Variants in NR5A1 observed in about 807,000 individuals in gnomAD.
The protein encoded by NR5A1 is nuclear receptor subfamily 5 group A member 1, also known as steroidogenic factor 1.
NR5A1 carries 6 observed loss-of-function variants against 42.7 expected under a neutral mutation model. That is an observed-to-expected ratio of 0.14 (90% confidence interval 0.08 to 0.28). NR5A1 has a LOEUF of 0.28. NR5A1 is among the 10% of genes least tolerant of loss of function. The pLI, the probability that NR5A1 is intolerant of heterozygous loss-of-function variation, is 1.00. For missense variants in NR5A1, 442 were observed against 626.4 expected (o/e 0.71, Z 3.14); for synonymous variants, 274 against 277.5 (o/e 0.99, Z 0.12).
rs145306528 is a variant in NR5A1, at chr9:124,493,781, G to A, written c.871-632C>T. Among the ~76,000 whole-genome samples, 1,415 of 152,320 alleles carry A rather than the reference G, an allele frequency of 9.3e-3. 26 individuals are homozygous for A. The highest frequency in any genetic ancestry group is 0.033 in the African/African-American group (1,354 of 41,582). On this transcript the variant is annotated intron_variant, in intron 4 of 6. Transcript: ENST00000373588. ...ATGGCCTGGCACATGAAGCAGAAAC[G>A]AACAGCAACAAGGGGCTGATTCCGA...
intron 5 of NR5A1, among the ~76,000 whole-genome samples, chr9:124,491,740 C>T (rs1304658314): frequency 1.3e-5 from 2 of 152,186 alleles, no homozygotes; most frequent in African/African-American, 4.8e-5. Flanking sequence ...AAGGCACACA[C>T]GTGTGCACAC....
Position 124,501,038 on chromosome 9 carries a change from G to C in NR5A1, c.245-323C>G. ...AAACTTTTTTTTTTCTCTTGTGCTT[G>C]CTGAACACCCAGCCTCAATGTCACT... On this transcript the variant is annotated intron_variant, in intron 3 of 6. Coordinates refer to ENST00000373588, the MANE Select transcript of NR5A1 (RefSeq NM_004959.5). The surrounding 1 kb of genome is among the most constrained non-coding windows in gnomAD (Gnocchi z 4.1). 1.6e-6 allele frequency: 1 copy of C among 623,452 alleles called. No individual in the cohort carries two copies. Among genetic ancestry groups the C allele is most frequent in the Non-Finnish European group, 3.1e-6 (1 of 325,402 alleles). 38.6% of individuals were successfully genotyped at this position (623,452 alleles called of 1,614,324 possible).
At position 124,482,633 on chromosome 9, in the gene NR5A1, C is replaced by G; in HGVS notation, c.*125G>C. 2 of 1,149,354 alleles carry G rather than the reference C, an allele frequency of 1.7e-6. No individual in the cohort carries two copies. Among genetic ancestry groups the G allele is most frequent in the Non-Finnish European group, 2.5e-6 (2 of 805,092 alleles). The allele number at this position is 1,149,354 out of a possible 1,614,324, so 71.2% of individuals were successfully genotyped here. On this transcript the variant is annotated 3_prime_UTR_variant, in exon 7 of 7. Transcript: ENST00000373588. ...AACTCAGGGGCAGCGGCCTCTGGGA[C>G]GGGGCTGGGGCTCCTCGGTGGGCAT... is the stretch of plus-strand genomic sequence containing the variant.
intron 4 of NR5A1, 107 bp downstream of exon 4, chr9:124,499,983 C>T: frequency 1.9e-6 from 3 of 1,564,930 alleles, no homozygotes; most frequent in African/African-American, 1.4e-5. Context: ...CAGGTACTGC[C>T]TGAAGCCAGT....
chr9:124,485,286 C>T (rs903942618), intron 6 of NR5A1, among the ~76,000 whole-genome samples: 1 of 152,156 alleles, frequency 6.6e-6, no homozygotes, highest in Non-Finnish European at 1.5e-5. Flanking sequence ...GTCATCCACC[C>T]ACTTCTCCTC....
At chr9:124,491,045 CTGT>C in intron 6 of NR5A1, 33 bp downstream of exon 6, 1 of 597,634 alleles carries the variant, frequency 1.7e-6, no homozygotes, top group Non-Finnish European at 2.9e-6. Context: ...CCGCCTCTGG[CTGT>C]CTCCACCTCT....
intron 1 of NR5A1, among the ~76,000 whole-genome samples, chr9:124,504,841 C>T (rs894948567): frequency 6.8e-6 from 1 of 146,188 alleles, no homozygotes; most frequent in African/African-American, 2.5e-5. Context: ...GGGCGCGGGG[C>T]TGGCGGCGCG....
intron 1 of NR5A1, chr9:124,506,949 C>T (rs1259975888): frequency 6.5e-6 from 1 of 152,704 alleles, no homozygotes; most frequent in Non-Finnish European, 1.5e-5. Flanking sequence ...TCCAGACACA[C>T]TCACAGACCT....
At position 124,496,221 on chromosome 9, in the gene NR5A1, T is replaced by A. The variant is rs1670145817; in HGVS notation, c.871-3072A>T. 6.6e-6 allele frequency among the ~76,000 whole-genome samples: 1 copy of A among 151,742 alleles called. No homozygotes were observed. Among genetic ancestry groups the A allele is most frequent in the Non-Finnish European group, 1.5e-5 (1 of 67,924 alleles). ...ACACACACACACAACCTCTTTTTAT[T>A]TAAAAGAAAACCACAGGGCCATAGC... On this transcript the variant is annotated intron_variant, in intron 4 of 6. Coordinates refer to ENST00000373588, the MANE Select transcript of NR5A1 (RefSeq NM_004959.5). This position sits in a 1 kb window ranked among gnomAD's most constrained non-coding sequence, Gnocchi z 5.0.
At chr9:124,484,703 G>A (rs367980990) in intron 6 of NR5A1, among the ~76,000 whole-genome samples, 6 of 152,184 alleles carry the variant, frequency 3.9e-5, no homozygotes, top group African/African-American at 1.2e-4. Flanking sequence ...GCTGTGAGCC[G>A]AGATTGCACC....
In NR5A1 at chr9:124,503,548, G is replaced by C; in HGVS notation, c.-15-138C>G. The C allele has an allele frequency of 1.6e-6, 1 of 629,518 alleles. No individual in the cohort carries two copies. The highest frequency in any genetic ancestry group is 2.5e-6 in the Non-Finnish European group (1 of 400,852). 39.0% of individuals were successfully genotyped at this position (629,518 alleles called of 1,614,324 possible). ...CCAGGCGCTGCCGCCGGCACCCACCGAGCGCCCCGCGCAGCGTCCCGGGGT... is the reference window on the plus strand; with the variant it reads ...CCAGGCGCTGCCGCCGGCACCCACCCAGCGCCCCGCGCAGCGTCCCGGGGT... On this transcript the variant is annotated intron_variant, in intron 1 of 6. Coordinates refer to ENST00000373588, the MANE Select transcript of NR5A1 (RefSeq NM_004959.5). This position sits in a 1 kb window ranked among gnomAD's most constrained non-coding sequence, Gnocchi z 9.6.
chr9:124,502,470 C>G (rs145539478), intron 3 of NR5A1, among the ~76,000 whole-genome samples: 2 of 152,262 alleles, frequency 1.3e-5, no homozygotes, highest in Non-Finnish European at 2.9e-5. Flanking sequence ...GCTAGGACTA[C>G]AGGCACATGT....
At position 124,505,455 on chromosome 9, in the gene NR5A1, G is replaced by C. The variant is rs148790079; in HGVS notation, c.-16+1794C>G. On this transcript the variant is annotated intron_variant, in intron 1 of 6. Transcript: ENST00000373588. Reference sequence around the variant, plus strand: ...CCTGTAGCAGCTCTCTCCCCGTCTCGGGTCTTCAGTTGCCGCATCTGTGAA... The same window carrying C: ...CCTGTAGCAGCTCTCTCCCCGTCTCCGGTCTTCAGTTGCCGCATCTGTGAA... Among the ~76,000 whole-genome samples the C allele has an allele frequency of 7.9e-5, 12 of 152,284 alleles. No individual in the cohort carries two copies. The East Asian group carries it at 1.2e-3, about 15-fold the overall frequency.
At chr9:124,490,300 G>T (rs368882477) in intron 6 of NR5A1, among the ~76,000 whole-genome samples, 2 of 152,192 alleles carry the variant, frequency 1.3e-5, no homozygotes, top group African/African-American at 4.8e-5. Flanking sequence ...GTCTTTTCAC[G>T]ATTGGCAAGG....
intron 6 of NR5A1, among the ~76,000 whole-genome samples, chr9:124,489,290 A>G (rs1832267771): frequency 6.6e-6 from 1 of 152,158 alleles, no homozygotes; most frequent in African/African-American, 2.4e-5. Flanking sequence ...GATGGCAGCC[A>G]GGTCAAGAAC....
intron 6 of NR5A1, among the ~76,000 whole-genome samples, chr9:124,489,952 C>T (rs1290349040): frequency 1.3e-5 from 2 of 152,132 alleles, no homozygotes; most frequent in African/African-American, 2.4e-5. Context: ...TCCCACTTTT[C>T]GTTAATCCCC....
intron 6 of NR5A1, among the ~76,000 whole-genome samples, chr9:124,486,355 C>A (rs1203016832): frequency 6.6e-6 from 1 of 152,192 alleles, no homozygotes; most frequent in African/African-American, 2.4e-5. Flanking sequence ...GACATCCAGA[C>A]AGGCAGGGCA....
chr9:124,486,109 C>T (rs969189720), intron 6 of NR5A1, among the ~76,000 whole-genome samples: 7 of 152,002 alleles, frequency 4.6e-5, no homozygotes, highest in Non-Finnish European at 8.8e-5. Flanking sequence ...AGCGGGGGTG[C>T]GGGGGTGGGT....
chr9:124,499,496 T>A (rs1289172320), intron 4 of NR5A1, among the ~76,000 whole-genome samples: 1 of 152,168 alleles, frequency 6.6e-6, no homozygotes, highest in Non-Finnish European at 1.5e-5. Flanking sequence ...AGGAGGATCT[T>A]TCACCTTAGC....
Sources: gnomAD v4.1 joint callset for allele counts (sites outside exome capture counted in the v4.1 genomes callset) on GRCh38, gnomAD v4.1.1 for gene constraint, Gnocchi (gnomAD v3.1) non-coding constraint, MANE v1.5 for transcripts, NCBI Gene and HGNC (gene_info 2026-07-23, HGNC 2026-07-21) for gene names.